DNAAF4: variants seen among roughly 807,000 people sequenced by gnomAD.
DNAAF4 encodes the protein dynein assembly factor 4, axonemal.
Under a neutral mutation model 51.8 loss-of-function variants are expected in DNAAF4, and 43 were observed. The ratio of observed to expected loss-of-function variants is 0.83; its 90% CI spans 0.65 to 1.07. DNAAF4 has a LOEUF of 1.07. Among genes scored for constraint, DNAAF4 ranks in the 50% least tolerant of loss-of-function variants. The probability of loss-of-function intolerance (pLI) is 0.00; values close to 1 mark genes in which losing one functional copy is unlikely to be tolerated. For missense variants in DNAAF4, 581 were observed against 493.0 expected (o/e 1.18, Z -1.69); for synonymous variants, 194 against 165.6 (o/e 1.17, Z -1.32).
intron 9 of DNAAF4, among the ~76,000 whole-genome samples, chr15:55,431,035 T>G (rs1378244766): frequency 6.6e-6 from 1 of 151,910 alleles, no homozygotes; most frequent in Non-Finnish European, 1.5e-5. Flanking sequence ...TGCCTCAGCC[T>G]CCTGAGTAGC....
chr15:55,443,105 T>G, intron 6 of DNAAF4: 1 of 1,610,504 alleles, frequency 6.2e-7, no homozygotes, highest in East Asian at 2.2e-5. Flanking sequence ...ATCCTTTCAG[T>G]AGGTGTACGT....
At chr15:55,441,515 T>C (rs1314144091) in intron 6 of DNAAF4, among the ~76,000 whole-genome samples, 2 of 152,150 alleles carry the variant, frequency 1.3e-5, no homozygotes, top group Admixed American at 1.3e-4. Context: ...CTGCACCCAT[T>C]AACTCGTCAT....
At chr15:55,429,547 G>A (rs186309399), downstream of DNAAF4, among the ~76,000 whole-genome samples, 6 of 149,136 alleles carry the variant, frequency 4.0e-5, no homozygotes, top group South Asian at 2.1e-4. Flanking sequence ...GGCTGGGCGC[G>A]GTGGCTCACA....
intron 5 of DNAAF4, among the ~76,000 whole-genome samples, chr15:55,454,985 G>C (rs1035645260): frequency 5.3e-5 from 8 of 151,156 alleles, no homozygotes; most frequent in African/African-American, 1.9e-4. Flanking sequence ...TATAATTATA[G>C]ATAAAGTACA....
chr15:55,433,901 A>G (rs1255120336), intron 8 of DNAAF4, among the ~76,000 whole-genome samples: 1 of 19,202 alleles, frequency 5.2e-5, no homozygotes, highest in Non-Finnish European at 9.2e-5. Context: ...TATATTATAT[A>G]TATTATATAT....
chr15:55,475,547 G>A (rs143045797), intron 4 of DNAAF4, among the ~76,000 whole-genome samples: 16 of 152,164 alleles, frequency 1.1e-4, no homozygotes, highest in African/African-American at 3.6e-4. Context: ...ATTTTTTTCA[G>A]ATTTTGGAAT....
chr15:55,485,119 A>C (rs1468295691), intron 4 of DNAAF4, among the ~76,000 whole-genome samples: 1 of 152,210 alleles, frequency 6.6e-6, no homozygotes, highest in Non-Finnish European at 1.5e-5. Flanking sequence ...ATAACACATA[A>C]ATGAATAAAC....
At chr15:55,441,471 T>A (rs1448190488) in intron 6 of DNAAF4, among the ~76,000 whole-genome samples, 1 of 152,162 alleles carries the variant, frequency 6.6e-6, no homozygotes, top group Non-Finnish European at 1.5e-5. Context: ...CATGCAGGTT[T>A]GTTACATATG....
rs771647818 is a variant in DNAAF4 at position 55,467,065 on chromosome 15, T to G, written c.502A>C (p.Lys168Gln). Residue 168 changes from lysine to glutamine, a missense_variant, in exon 5 of 10, where the codon AAA becomes CAA. Coordinates refer to ENST00000321149, the MANE Select transcript of DNAAF4 (RefSeq NM_130810.4). ...TGAATTTTTTTTTGCTCCTCAGCTTTTCTTTGATATTCTTTCCAGGCTTCC... is the reference window on the plus strand; with the variant it reads ...TGAATTTTTTTTTGCTCCTCAGCTTGTCTTTGATATTCTTTCCAGGCTTCC... ...ALEAWKEYQR[K>Q]AEEQKKIQRE... 7.7e-6 allele frequency: 12 copies of G among 1,551,662 alleles called. No individual in the cohort carries two copies. The Admixed American group carries it at 2.4e-4, about 31-fold the overall frequency.
chr15:55,444,966 T>C (rs1302295927), intron 6 of DNAAF4, among the ~76,000 whole-genome samples: 4 of 151,792 alleles, frequency 2.6e-5, no homozygotes, highest in African/African-American at 2.4e-5. Context: ...TGGGGTTTTC[T>C]AAATATACAA....
chr15:55,498,187 G>A lies in DNAAF4; in HGVS notation c.123+20C>T. 3 of 1,614,096 alleles carry A rather than the reference G, an allele frequency of 1.9e-6. No individual in the cohort carries two copies. Among genetic ancestry groups the A allele is most frequent in the Non-Finnish European group, 2.5e-6 (3 of 1,179,980 alleles). Reference sequence around the variant, plus strand: ...CGGACCACACCCCCGGAGACCGGCAGGCAAGACTTGCATTCTTACCTTCAG... The same window carrying A: ...CGGACCACACCCCCGGAGACCGGCAAGCAAGACTTGCATTCTTACCTTCAG... On this transcript the variant is annotated intron_variant, in intron 2 of 9. Transcript: ENST00000321149.
At chr15:55,449,575 A>T (rs1595907771) in intron 6 of DNAAF4, among the ~76,000 whole-genome samples, 1 of 150,302 alleles carries the variant, frequency 6.7e-6, no homozygotes, top group African/African-American at 2.4e-5. Flanking sequence ...GAGGCAGGAG[A>T]ATTGTTTGAA....
chr15:55,434,232 T>C lies in DNAAF4; in HGVS notation c.1047+673A>G, dbSNP rs947085170. ...TAAATAGCATTTGTGGGCTTTTGTA[T>C]TCAGATTGGGTGATTCAGCTTATTC... On this transcript the variant is annotated intron_variant, in intron 8 of 9. Coordinates refer to ENST00000321149, the MANE Select transcript of DNAAF4 (RefSeq NM_130810.4). 4.7e-5 allele frequency among the ~76,000 whole-genome samples: 7 copies of C among 149,526 alleles called. No individual in the cohort carries two copies. The Admixed American group carries it at 4.9e-4, about 10-fold the overall frequency.
At chr15:55,449,176 G>A (rs568217581) in intron 6 of DNAAF4, among the ~76,000 whole-genome samples, 3 of 149,992 alleles carry the variant, frequency 2.0e-5, no homozygotes, top group South Asian at 2.1e-4. Context: ...TTTTAATAGC[G>A]ATGGGGTTTC....
At chr15:55,483,833 C>CTTT (rs71105887) in intron 4 of DNAAF4, among the ~76,000 whole-genome samples, 1,224 of 82,438 alleles carry the variant, frequency 0.015, 262 homozygotes, top group Non-Finnish European at 0.022. Flanking sequence ...GCCAATAAAG[C>CTTT]TTTTTTTTTT....
intron 3 of DNAAF4, among the ~76,000 whole-genome samples, chr15:55,493,784 G>C (rs2058604081): frequency 6.6e-6 from 1 of 152,012 alleles, no homozygotes; most frequent in Non-Finnish European, 1.5e-5. Flanking sequence ...GCTTACTGCA[G>C]CCTCCACCTC....
At position 55,498,361 on chromosome 15, in the gene DNAAF4, G is replaced by A. The variant is rs748905235; in HGVS notation, c.-32C>T. On this transcript the variant is annotated 5_prime_UTR_variant, in exon 2 of 10. An upstream open reading frame in the 5' UTR gains an earlier in-frame stop. Transcript: ENST00000321149. The stretch of plus-strand genomic sequence containing the variant: ...AGCAACGGGAGCGGATAGCGCGGCT[G>A]GTTGCTTCTTGCGCCTGCTTGGTTG... 2 of 1,589,000 alleles carry A rather than the reference G, an allele frequency of 1.3e-6. No homozygotes were observed. The highest frequency in any genetic ancestry group is 1.7e-5 in the Admixed American group (1 of 57,424).
chr15:55,442,424 G>A (rs2141431465), intron 6 of DNAAF4, among the ~76,000 whole-genome samples: 1 of 152,328 alleles, frequency 6.6e-6, no homozygotes, highest in Non-Finnish European at 1.5e-5. Flanking sequence ...CTGACTGAGA[G>A]TTGTCGAAAT....
intron 6 of DNAAF4, among the ~76,000 whole-genome samples, chr15:55,446,910 G>C (rs1480030425): frequency 2.1e-5 from 3 of 140,160 alleles, no homozygotes; most frequent in Non-Finnish European, 3.1e-5. Flanking sequence ...CTTCCCAGAC[G>C]GGGTGGCGGC....
Sources: allele counts gnomAD v4.1 joint callset (sites outside exome capture counted in the v4.1 genomes callset), GRCh38; gene constraint gnomAD v4.1.1; transcripts MANE v1.5; gene names NCBI Gene and HGNC (gene_info 2026-07-23, HGNC 2026-07-21).